Variants in TECPR1 observed in about 807,000 individuals in gnomAD.
TECPR1 encodes the protein tectonin beta-propeller repeat-containing protein 1.
A neutral mutation model predicts 162.4 loss-of-function variants in TECPR1; 122 were observed. The observed-to-expected ratio is 0.75, with a 90% CI of 0.65 to 0.87. The LOEUF (loss-of-function observed/expected upper bound fraction) is 0.87. TECPR1 is among the 40% of genes least tolerant of loss of function. The pLI is 0.00. For synonymous variants in TECPR1, 642 were observed against 670.6 expected (o/e 0.96, Z 0.66); for missense variants, 1,432 against 1,618.2 (o/e 0.88, Z 1.97).
intron 19 of TECPR1, 54 bp from the exon 20 acceptor site, chr7:98,223,772 G>C: frequency 6.3e-7 from 1 of 1,586,060 alleles, no homozygotes; most frequent in East Asian, 2.2e-5. Context: ...TTTCTGGAAA[G>C]GGACCGTGCA....
chr7:98,237,824 G>A (rs1026590150), intron 9 of TECPR1, among the ~76,000 whole-genome samples: 11 of 152,062 alleles, frequency 7.2e-5, no homozygotes, highest in Non-Finnish European at 1.2e-4. Flanking sequence ...GCTGGAGTGC[G>A]GTGGTGCAAT....
intron 17 of TECPR1, among the ~76,000 whole-genome samples, chr7:98,225,560 G>T (rs973576728): frequency 1.3e-5 from 2 of 151,760 alleles, no homozygotes; most frequent in Non-Finnish European, 2.9e-5. Flanking sequence ...AAGGCGGGGG[G>T]AGGGGGGAAA....
chr7:98,230,103 C>T (rs1403851494), intron 15 of TECPR1, among the ~76,000 whole-genome samples: 7 of 151,434 alleles, frequency 4.6e-5, no homozygotes, highest in Non-Finnish European at 1.0e-4. Context: ...CTCAAGTGAT[C>T]TTCCCACCTC....
chr7:98,233,334 GC>G, intron 11 of TECPR1, 86 bp downstream of exon 11: 1 of 1,372,374 alleles, frequency 7.3e-7, no homozygotes, highest in Non-Finnish European at 9.4e-7. Context: ...GCCTGCCCGA[GC>G]CCCCTGACCC....
At chr7:98,220,908 C>G (rs1798124456) in intron 23 of TECPR1, among the ~76,000 whole-genome samples, 1 of 142,050 alleles carries the variant, frequency 7.0e-6, no homozygotes, top group Admixed American at 7.5e-5. Context: ...CCAGGCTGGT[C>G]TCAAACTCCT....
In TECPR1 at chr7:98,232,952, T is replaced by A. The variant is rs199930306; in HGVS notation, c.1693A>T (p.Met565Leu). 190 of 1,612,102 alleles carry A rather than the reference T, an allele frequency of 1.2e-4. No individual in the cohort carries two copies. The highest frequency in any genetic ancestry group is 1.6e-4 in the Middle Eastern group (1 of 6,068). ...GCCGGCGTGATGGACAGGGACAGCA[T>A]GTGTACCGAGGAGGACAGGCCTGTG... ...VQAGLSSSVH[M>L]LSLSITPAQT... The change falls in exon 12 of 26, where the codon ATG becomes TTG. Residue 565 changes from methionine (M) to leucine (L), a missense_variant. Met to Leu is a conservative substitution (Grantham distance 15). Transcript: ENST00000447648. This position sits in a 1 kb window ranked among gnomAD's most constrained non-coding sequence, Gnocchi z 4.6.
rs1326796686 is a variant in TECPR1, at chr7:98,241,794, C to T, written c.658-550G>A. 6.6e-6 allele frequency among the ~76,000 whole-genome samples: 1 copy of T among 152,172 alleles called. No individual in the cohort carries two copies. The highest frequency in any genetic ancestry group is 1.5e-5 in the Non-Finnish European group (1 of 68,008). On this transcript the variant is annotated intron_variant, in intron 6 of 25. Transcript: ENST00000447648. This position sits in a 1 kb window ranked among gnomAD's most constrained non-coding sequence, Gnocchi z 5.0. ...TGTCTTCAGACAGGGGACCCAGCCT[C>T]CCAATCCTGCCACCATCCCCCTACA...
At chr7:98,243,290 G>A (rs1798816148) in intron 6 of TECPR1, among the ~76,000 whole-genome samples, 177 bp downstream of exon 6, 3 of 151,930 alleles carry the variant, frequency 2.0e-5, no homozygotes, top group East Asian at 2.0e-4. Context: ...ATGTGCCTGA[G>A]CTGAGGCTGG....
At chr7:98,219,275 C>G (rs967285958) in intron 23 of TECPR1, among the ~76,000 whole-genome samples, 3 of 151,958 alleles carry the variant, frequency 2.0e-5, no homozygotes, top group African/African-American at 7.3e-5. Flanking sequence ...GACCTAAAAC[C>G]ATACAAATTC....
chr7:98,236,624 T>C (rs56229643), intron 10 of TECPR1, among the ~76,000 whole-genome samples, 152 bp downstream of exon 10: 55,498 of 150,644 alleles, frequency 0.37, 12,013 homozygotes, highest in Middle Eastern at 0.56. Flanking sequence ...CTTCGGCTCT[T>C]GTGGCTTTTG....
intron 11 of TECPR1, 112 bp downstream of exon 11, chr7:98,233,309 C>T: frequency 7.6e-7 from 1 of 1,314,888 alleles, no homozygotes; most frequent in Non-Finnish European, 9.9e-7. Context: ...GTGAGGCGTC[C>T]AGGGAGGACA....
In TECPR1 at chr7:98,244,564, C is replaced by A; in HGVS notation, c.531+7G>T. On this transcript the variant is annotated splice_region_variant and intron_variant, in intron 5 of 25. Coordinates refer to ENST00000447648, the MANE Select transcript of TECPR1 (RefSeq NM_015395.3). ...CCTGCCCCCAACCCACATTCAGGAA[C>A]AGAGACCTTGGCCCAGATGTCCCGG... The A allele has an allele frequency of 6.2e-7, 1 of 1,602,262 alleles. No individual in the cohort carries two copies. Among genetic ancestry groups the A allele is most frequent in the African/African-American group, 1.3e-5 (1 of 74,854 alleles).
chr7:98,237,025 G>A (rs1317143102), intron 9 of TECPR1, 104 bp from the exon 10 acceptor site: 38 of 1,298,804 alleles, frequency 2.9e-5, no homozygotes, highest in Non-Finnish European at 3.6e-5. Flanking sequence ...ATGTGCAGGT[G>A]TGTGTGGGCT....
At position 98,217,447 on chromosome 7, in the gene TECPR1, C is replaced by G. The variant is rs775175455; in HGVS notation, c.3441G>C (p.Ser1147=). Residue 1147 remains serine, a synonymous_variant, in exon 26 of 26, where the codon TCG becomes TCC. Transcript: ENST00000447648. ...GGGCACTCGGCTCCTGCTCCTGGGACGAGCTCCGGGGGGCCCTGGTGGCAT... is the reference window on the plus strand; with the variant it reads ...GGGCACTCGGCTCCTGCTCCTGGGAGGAGCTCCGGGGGGCCCTGGTGGCAT... The part of the protein sequence containing the change: ...RANATRAPRS[S]SQEQEPSAPP... 5 of 1,609,588 alleles carry G rather than the reference C, an allele frequency of 3.1e-6. No homozygotes were observed. Among genetic ancestry groups the G allele is most frequent in the Non-Finnish European group, 4.2e-6 (5 of 1,178,320 alleles).
intron 10 of TECPR1, among the ~76,000 whole-genome samples, chr7:98,235,352 G>C (rs1487020987): frequency 3.3e-5 from 5 of 151,930 alleles, no homozygotes; most frequent in South Asian, 4.2e-4. Context: ...GGTGAAACCT[G>C]ATCTCTACTA....
chr7:98,248,233 C>T (rs1262354010), intron 2 of TECPR1, among the ~76,000 whole-genome samples: 4 of 152,178 alleles, frequency 2.6e-5, no homozygotes, highest in Admixed American at 2.0e-4. Flanking sequence ...CACAGAGCTA[C>T]TGGATGAAGC....
chr7:98,240,697 G>C (rs1798720652), intron 8 of TECPR1, among the ~76,000 whole-genome samples, 154 bp downstream of exon 8: 1 of 151,920 alleles, frequency 6.6e-6, no homozygotes, highest in Non-Finnish European at 1.5e-5. Context: ...TTACAGACGT[G>C]AGCCACTGCA....
intron 16 of TECPR1, 199 bp downstream of exon 16, chr7:98,228,840 C>A (rs917799456): frequency 1.5e-6 from 1 of 661,984 alleles, no homozygotes; most frequent in Admixed American, 3.0e-5. Flanking sequence ...CTGGAACCTT[C>A]GAGGCCCTCA....
rs1798472110 is a variant in TECPR1, at chr7:98,232,542, C to T, written c.1818+285G>A. The stretch of plus-strand genomic sequence containing the variant: ...CCAGCAGGAAGAGGATGACGTGGTT[C>T]CCCTCCCTGGCCACCCTCCCTTCCC... On this transcript the variant is annotated intron_variant, in intron 12 of 25. Transcript: ENST00000447648. The surrounding 1 kb of genome is among the most constrained non-coding windows in gnomAD (Gnocchi z 4.6). 6.6e-6 allele frequency among the ~76,000 whole-genome samples: 1 copy of T among 151,966 alleles called. No homozygotes were observed. The highest frequency in any genetic ancestry group is 1.5e-5 in the Non-Finnish European group (1 of 67,988).
Sources: gnomAD v4.1 joint callset for allele counts (sites outside exome capture counted in the v4.1 genomes callset) on GRCh38, gnomAD v4.1.1 for gene constraint, Gnocchi (gnomAD v3.1) non-coding constraint, MANE v1.5 for transcripts, NCBI Gene and HGNC (gene_info 2026-07-23, HGNC 2026-07-21) for gene names.